Variants in EPS15L1 observed in about 807,000 individuals in gnomAD.
EPS15L1 encodes the protein epidermal growth factor receptor pathway substrate 15 like 1.
EPS15L1 carries 43 observed loss-of-function variants against 117.1 expected under a neutral mutation model. That is an observed-to-expected ratio of 0.37 (90% CI 0.29 to 0.47). EPS15L1 has a LOEUF of 0.47. EPS15L1 is among the 20% of genes least tolerant of loss of function. The probability of loss-of-function intolerance (pLI) is 0.99; values close to 1 mark genes in which losing one functional copy is unlikely to be tolerated. For synonymous variants in EPS15L1, 459 were observed against 470.5 expected, an observed-to-expected ratio of 0.98 and a Z score of 0.32; for missense variants, 981 against 1,164.0, an observed-to-expected ratio of 0.84 and a Z score of 2.29.
At chr19:16,377,586 A>G (rs2092312221) in intron 21 of EPS15L1, among the ~76,000 whole-genome samples, 1 of 152,186 alleles carries the variant, frequency 6.6e-6, no homozygotes, top group African/African-American at 2.4e-5. Context: ...CTTGGCACAT[A>G]GGGTCCCTTG....
intron 4 of EPS15L1, chr19:16,440,618 G>T (rs972197985): frequency 3.6e-5 from 10 of 277,992 alleles, no homozygotes; most frequent in African/African-American, 4.4e-5. Flanking sequence ...CACATGTAAG[G>T]TTACAAAACA....
chr19:16,417,575 A>G lies in EPS15L1; in HGVS notation c.1170T>C (p.Ser390=), dbSNP rs774042883. The G allele has an allele frequency of 1.2e-6, 2 of 1,614,084 alleles. No individual in the cohort carries two copies. Among genetic ancestry groups the G allele is most frequent in the East Asian group, 4.5e-5 (2 of 44,890 alleles). The change falls in exon 12 of 24, where the codon AGT becomes AGC. Residue 390 remains serine (S), a synonymous_variant. Coordinates refer to ENST00000455140, the MANE Select transcript of EPS15L1 (RefSeq NM_001258374.3). ...ACCTTTGTAACTGGGCAATCTCTTG[A>G]CTGATGTCATCAAGCTCCTTCACGC... The part of the protein sequence containing the change: ...FTGVKELDDI[S]QEIAQLQREK...
rs143347595 is a variant in EPS15L1, at chr19:16,467,899, G to T, written c.33+4014C>A. 2.6e-3 allele frequency among the ~76,000 whole-genome samples: 398 copies of T among 152,230 alleles called. 2 individuals are homozygous for T. Among genetic ancestry groups the T allele is most frequent in the Middle Eastern group, 0.014 (4 of 294 alleles). On this transcript the variant is annotated intron_variant, in intron 1 of 23. Coordinates refer to ENST00000455140, the MANE Select transcript of EPS15L1 (RefSeq NM_001258374.3). ...TTCAGCAAGTTACTCTATTTCTGTG[G>T]GTCTTGGTTTCCTCACTTGTAAAAG...
At chr19:16,446,500 T>C (rs2093084618) in intron 1 of EPS15L1, among the ~76,000 whole-genome samples, 1 of 152,228 alleles carries the variant, frequency 6.6e-6, no homozygotes. Context: ...CCTTGTTTCC[T>C]ATCCAGTACC....
Position 16,405,950 on chromosome 19 carries a change from C to T in EPS15L1, c.1267-1201G>A, listed in dbSNP as rs541185513. ...TGTGGAGCGTGGTGCAAGGGGCCATCAGGACGCAGGAACTGCAGGGGCCTC... is the reference window on the plus strand; with the variant it reads ...TGTGGAGCGTGGTGCAAGGGGCCATTAGGACGCAGGAACTGCAGGGGCCTC... On this transcript the variant is annotated intron_variant, in intron 13 of 23. Transcript: ENST00000455140. The surrounding 1 kb of genome is among the most constrained non-coding windows in gnomAD (Gnocchi z 4.0). Among the ~76,000 whole-genome samples the T allele has an allele frequency of 1.3e-3, 193 of 152,318 alleles. 1 individual carries two copies. The highest frequency in any genetic ancestry group is 8.8e-5 in the Non-Finnish European group (6 of 68,030).
chr19:16,471,973 C>CT (rs2093350784), upstream of EPS15L1: 1 of 1,272,848 alleles, frequency 7.9e-7, no homozygotes, highest in African/African-American at 1.6e-5. This position sits in a 1 kb window ranked among gnomAD's most constrained non-coding sequence, Gnocchi z 4.8. Context: ...CTCCGAGCGC[C>CT]GGGGGAACGG....
At chr19:16,424,107 G>T (rs1458938364) in intron 9 of EPS15L1, among the ~76,000 whole-genome samples, 1 of 152,232 alleles carries the variant, frequency 6.6e-6, no homozygotes, top group East Asian at 1.9e-4. Context: ...AGGTCCCAAA[G>T]GAAGGATATC....
intron 9 of EPS15L1, among the ~76,000 whole-genome samples, chr19:16,421,745 C>T (rs1202588648): frequency 1.3e-5 from 2 of 152,176 alleles, no homozygotes; most frequent in African/African-American, 2.4e-5. Context: ...TGTCCATCCA[C>T]CCTGCCACCC....
intron 22 of EPS15L1, among the ~76,000 whole-genome samples, chr19:16,367,121 A>G (rs916370917): frequency 4.0e-5 from 6 of 151,844 alleles, no homozygotes; most frequent in African/African-American, 1.2e-4. Flanking sequence ...GAAATCATGA[A>G]AACAAAACCC....
intron 9 of EPS15L1, among the ~76,000 whole-genome samples, chr19:16,422,045 A>ACCACCATCCAAGAGGG (rs747573768): frequency 1.5e-4 from 23 of 152,144 alleles, no homozygotes; most frequent in Non-Finnish European, 2.6e-4. Flanking sequence ...CAAATGAGAC[A>ACCACCATCCAAGAGGG]CCACCATCCA....
Position 16,355,344 on chromosome 19 carries a change from C to CAGGGTCCTGCCCACCGCCCAGCGGA in EPS15L1, c.*360_*361insTCCGCTGGGCGGTGGGCAGGACCCT. 1.3e-5 allele frequency: 1 copy of CAGGGTCCTGCCCACCGCCCAGCGGA among 75,228 alleles called. No homozygotes were observed. The highest frequency in any genetic ancestry group is 7.5e-4 in the South Asian group (1 of 1,342). The allele number at this position is 75,228 out of a possible 1,614,324, so 4.7% of individuals were successfully genotyped here. ...AGTGTCTGACTGATGCGTGGGAGGG[C>CAGGGTCCTGCCCACCGCCCAGCGGA]GGGTGGGGATGTCTGCAGCTATGAG... On this transcript the variant is annotated 3_prime_UTR_variant, in exon 24 of 24. Coordinates refer to ENST00000455140, the MANE Select transcript of EPS15L1 (RefSeq NM_001258374.3).
At position 16,392,312 on chromosome 19, in the gene EPS15L1, G is replaced by A. The variant is rs769578542; in HGVS notation, c.2095C>T (p.Pro699Ser). ...SDPFTKNPSLPSKLDPFESSD... is the reference protein window; with the variant it reads ...SDPFTKNPSLSSKLDPFESSD... Reference sequence around the variant, plus strand: ...CGTCCCACCCCACTCACCTTCGAAGGTAAGGAAGGGTTTTTCGTGAATGGA... The same window carrying A: ...CGTCCCACCCCACTCACCTTCGAAGATAAGGAAGGGTTTTTCGTGAATGGA... The change falls in exon 19 of 24, where the codon CCT (proline) becomes TCT (serine). Residue 699 changes from proline (P) to serine (S), a missense_variant. By Grantham distance (74) the Pro-to-Ser change is moderately conservative. This residue lies in a region of EPS15L1 where 819 missense variants were observed against 949.0 expected (regional missense o/e 0.86). Transcript: ENST00000455140. 1.2e-6 allele frequency: 2 copies of A among 1,614,024 alleles called. No individual in the cohort carries two copies. The highest frequency in any genetic ancestry group is 2.2e-5 in the South Asian group (2 of 91,074).
chr19:16,448,029 G>A (rs977851037), intron 1 of EPS15L1, among the ~76,000 whole-genome samples: 2 of 152,192 alleles, frequency 1.3e-5, no homozygotes, highest in African/African-American at 4.8e-5. Flanking sequence ...AAGGGCACTG[G>A]AGCAATCGGC....
At chr19:16,417,271 G>A (rs980563785) in intron 12 of EPS15L1, among the ~76,000 whole-genome samples, 16 of 151,922 alleles carry the variant, frequency 1.1e-4, no homozygotes, top group African/African-American at 2.2e-4. Context: ...CTCTGCCCAC[G>A]ACCTGCCTGG....
rs1465680550 is a variant in EPS15L1 at position 16,418,173 on chromosome 19, T to TC, written c.951-70dup. 3 of 1,512,440 alleles carry TC rather than the reference T, an allele frequency of 2.0e-6. No homozygotes were observed. The African/African-American group carries it at 4.2e-5, about 21-fold the overall frequency. The allele number at this position is 1,512,440 out of a possible 1,614,324, so 93.7% of individuals were successfully genotyped here. On this transcript the variant is annotated intron_variant, in intron 10 of 23. Transcript: ENST00000455140. ...ACTCAGCCTGAACCCAAGTCACCGATCCCTTGCTTTTCAAAAACGACAGCG... is the reference window on the plus strand; with the variant it reads ...ACTCAGCCTGAACCCAAGTCACCGATCCCCTTGCTTTTCAAAAACGACAGCG...
At chr19:16,403,587 C>A (rs772125412) in intron 15 of EPS15L1, 146 bp downstream of exon 15, 2 of 748,074 alleles carry the variant, frequency 2.7e-6, no homozygotes, top group East Asian at 2.6e-5. Context: ...CTTGGCCCTG[C>A]GCCTCCAGGC....
chr19:16,384,895 G>A (rs529355615), intron 21 of EPS15L1, among the ~76,000 whole-genome samples: 5 of 152,332 alleles, frequency 3.3e-5, no homozygotes, highest in African/African-American at 1.2e-4. Flanking sequence ...TCAGACACCA[G>A]TGGGAGCCAG....
At chr19:16,450,083 T>C (rs556126040) in intron 1 of EPS15L1, among the ~76,000 whole-genome samples, 42 of 134,526 alleles carry the variant, frequency 3.1e-4, no homozygotes, top group Admixed American at 6.2e-4. Flanking sequence ...ACCCTATCTC[T>C]ACAAAAAAAA....
At chr19:16,413,673 G>C in intron 13 of EPS15L1, 100 bp downstream of exon 13, 1 of 1,019,174 alleles carries the variant, frequency 9.8e-7, no homozygotes, top group Non-Finnish European at 1.5e-6. Context: ...TTCCATCCAG[G>C]GCAGACCCCT....
Sources: allele counts gnomAD v4.1 joint callset (sites outside exome capture counted in the v4.1 genomes callset), GRCh38; gene constraint gnomAD v4.1.1; regional missense constraint gnomAD v4.1.1; non-coding constraint Gnocchi (gnomAD v3.1); transcripts MANE v1.5; gene names NCBI Gene and HGNC (gene_info 2026-07-23, HGNC 2026-07-21).